The following ZBTB38 variants were observed in gnomAD, a reference collection of about 807,000 sequenced individuals.
ZBTB38 encodes the protein zinc finger and BTB domain containing 38.
In ZBTB38, 20 loss-of-function variants were observed where a neutral mutation model predicts 76.8. The ratio of observed to expected loss-of-function variants is 0.26; its 90% CI spans 0.18 to 0.38. The LOEUF is 0.38. Ranked by LOEUF, ZBTB38 falls within the 10% of genes least tolerant of loss-of-function variation. The probability of loss-of-function intolerance (pLI) is 1.00; values close to 1 mark genes in which losing one functional copy is unlikely to be tolerated. For missense variants in ZBTB38, 1,082 were observed against 1,482.3 expected (o/e 0.73, Z 4.43); for synonymous variants, 504 against 544.2 (o/e 0.93, Z 1.03).
chr3:141,339,066 G>C (rs921608513), intron 1 of ZBTB38, among the ~76,000 whole-genome samples: 3 of 152,102 alleles, frequency 2.0e-5, no homozygotes, highest in Admixed American at 2.0e-4. Flanking sequence ...CATTCAAGCA[G>C]AGACCTGAAT....
At chr3:141,326,829 G>T (rs1350837451) in intron 1 of ZBTB38, among the ~76,000 whole-genome samples, 1 of 152,126 alleles carries the variant, frequency 6.6e-6, no homozygotes, top group African/African-American at 2.4e-5. Flanking sequence ...TCTTGAGGGG[G>T]GTGGTGTCAT....
intron 1 of ZBTB38, among the ~76,000 whole-genome samples, chr3:141,348,807 A>G (rs1341276543): frequency 6.6e-6 from 1 of 152,210 alleles, no homozygotes; most frequent in African/African-American, 2.4e-5. Flanking sequence ...TAGTAATGGC[A>G]TTTAAAAAGT....
chr3:141,421,890 A>G (rs1187861078), intron 5 of ZBTB38, among the ~76,000 whole-genome samples: 3 of 152,194 alleles, frequency 2.0e-5, no homozygotes, highest in African/African-American at 7.2e-5. Context: ...ATGACTGGCT[A>G]CCTGGGACCC....
chr3:141,328,954 T>G (rs1942759481), intron 1 of ZBTB38, among the ~76,000 whole-genome samples: 1 of 152,164 alleles, frequency 6.6e-6, no homozygotes, highest in Admixed American at 6.5e-5. Context: ...CCTCCAGGCC[T>G]CCTCCTGAGT....
At chr3:141,370,228 G>C (rs1164284347) in intron 2 of ZBTB38, among the ~76,000 whole-genome samples, 1 of 152,182 alleles carries the variant, frequency 6.6e-6, no homozygotes, top group Admixed American at 6.5e-5. Context: ...GGTAGAGAGG[G>C]GCTTTGCCTT....
chr3:141,353,307 C>T (rs577326222), intron 1 of ZBTB38, among the ~76,000 whole-genome samples: 1 of 152,110 alleles, frequency 6.6e-6, no homozygotes, highest in Admixed American at 6.6e-5. Context: ...AGTTCTGGCC[C>T]TTCCCCCTGA....
At chr3:141,333,449 G>T (rs1300684257) in intron 1 of ZBTB38, among the ~76,000 whole-genome samples, 12 of 152,142 alleles carry the variant, frequency 7.9e-5, no homozygotes, top group Non-Finnish European at 8.8e-5. Context: ...TCCAAAGCCT[G>T]CTGCTATCTG....
chr3:141,393,447 T>G (rs974740627), intron 4 of ZBTB38, among the ~76,000 whole-genome samples: 3 of 152,210 alleles, frequency 2.0e-5, no homozygotes, highest in African/African-American at 7.2e-5. Flanking sequence ...CTTGTCATTT[T>G]TTTTTCCTTT....
At chr3:141,374,372 G>A (rs1287841867) in intron 2 of ZBTB38, among the ~76,000 whole-genome samples, 1 of 152,154 alleles carries the variant, frequency 6.6e-6, no homozygotes, top group African/African-American at 2.4e-5. Flanking sequence ...TTTGAGGAAT[G>A]ATGGATGAGT....
chr3:141,382,732 C>A (rs906316211), intron 3 of ZBTB38, among the ~76,000 whole-genome samples: 2 of 152,170 alleles, frequency 1.3e-5, no homozygotes, highest in South Asian at 2.1e-4. Context: ...CTGGGCCCAG[C>A]CTGTCTCCAG....
intron 4 of ZBTB38, among the ~76,000 whole-genome samples, chr3:141,399,053 C>T (rs539044637): frequency 6.6e-6 from 1 of 151,332 alleles, no homozygotes; most frequent in East Asian, 1.9e-4. Flanking sequence ...TGGTGCTGTT[C>T]TGTGTGTTTC....
Position 141,426,188 on chromosome 3 carries a change from A to G in ZBTB38, c.1-16201A>G, listed in dbSNP as rs1296548214. 5 of 1,289,410 alleles carry G rather than the reference A, an allele frequency of 3.9e-6. No individual in the cohort carries two copies. In the East Asian group the frequency reaches 2.8e-4, roughly 72 times the overall value. The allele number at this position is 1,289,410 out of a possible 1,614,324, so 79.9% of individuals were successfully genotyped here. Reference sequence around the variant, plus strand: ...ATGGTAAGCTGTTCCTTCATAGTGTAGTCAGAAGTCACAGGCCAGGTCGTG... The same window carrying G: ...ATGGTAAGCTGTTCCTTCATAGTGTGGTCAGAAGTCACAGGCCAGGTCGTG... On this transcript the variant is annotated intron_variant, in intron 5 of 5. Coordinates refer to ENST00000321464, the MANE Select transcript of ZBTB38 (RefSeq NM_001376113.1).
chr3:141,381,481 C>A lies in ZBTB38; in HGVS notation c.-178C>A, dbSNP rs546753351. The A allele has an allele frequency of 2.0e-5, 3 of 152,412 alleles. No individual in the cohort carries two copies. Among genetic ancestry groups the A allele is most frequent in the Admixed American group, 6.5e-5 (1 of 15,304 alleles). 9.4% of individuals were successfully genotyped at this position (152,412 alleles called of 1,614,324 possible). ...CACAAGGCTTGCTGCCCAATCTTTG[C>A]CAACAGGTATGTACTCCTTTCTCAT... On this transcript the variant is annotated 5_prime_UTR_variant, in exon 3 of 6. Coordinates refer to ENST00000321464, the MANE Select transcript of ZBTB38 (RefSeq NM_001376113.1).
At chr3:141,353,879 C>T (rs886325989) in intron 1 of ZBTB38, among the ~76,000 whole-genome samples, 1 of 152,154 alleles carries the variant, frequency 6.6e-6, no homozygotes, top group Non-Finnish European at 1.5e-5. Flanking sequence ...TCCAGGAACA[C>T]TCTAGTTGTT....
At chr3:141,418,545 T>C (rs1476400636) in intron 5 of ZBTB38, among the ~76,000 whole-genome samples, 1 of 152,024 alleles carries the variant, frequency 6.6e-6, no homozygotes, top group Non-Finnish European at 1.5e-5. Context: ...CATTGGAGAG[T>C]GGGCTCCAGG....
At chr3:141,380,269 G>A (rs1946015272) in intron 2 of ZBTB38, among the ~76,000 whole-genome samples, 1 of 152,224 alleles carries the variant, frequency 6.6e-6, no homozygotes, top group African/African-American at 2.4e-5. Flanking sequence ...CTGAGGAAAT[G>A]TTGAGGTATT....
At chr3:141,380,928 A>T (rs905201060) in intron 2 of ZBTB38, among the ~76,000 whole-genome samples, 13 of 152,132 alleles carry the variant, frequency 8.5e-5, no homozygotes, top group Non-Finnish European at 1.5e-5. Context: ...CTCTCACATG[A>T]GGTGGATTTT....
At chr3:141,433,513 T>C (rs2078066896) in intron 5 of ZBTB38, among the ~76,000 whole-genome samples, 1 of 152,184 alleles carries the variant, frequency 6.6e-6, no homozygotes, top group African/African-American at 2.4e-5. Flanking sequence ...GCAAAAGTAA[T>C]TGCAGTTTTT....
intron 1 of ZBTB38, among the ~76,000 whole-genome samples, chr3:141,340,677 C>T (rs527791763): frequency 2.4e-4 from 37 of 152,036 alleles, no homozygotes; most frequent in African/African-American, 8.7e-4. Context: ...GCAGGCGGAT[C>T]ACGAGGTCAG....
Sources: gnomAD v4.1 joint callset for allele counts (sites outside exome capture counted in the v4.1 genomes callset) on GRCh38, gnomAD v4.1.1 for gene constraint, MANE v1.5 for transcripts, NCBI Gene and HGNC (gene_info 2026-07-23, HGNC 2026-07-21) for gene names.